SGCD: variants seen among roughly 807,000 people sequenced by gnomAD.
SGCD encodes the protein delta-sarcoglycan.
SGCD carries 18 observed loss-of-function variants against 36.6 expected under a neutral mutation model. The observed-to-expected ratio is 0.49, with a 90% CI of 0.34 to 0.73. SGCD has a LOEUF of 0.73. SGCD is among the 30% of genes least tolerant of loss of function. The pLI is 0.01. For missense variants in SGCD, 387 were observed against 346.7 expected (o/e 1.12, Z -0.92); for synonymous variants, 133 against 130.6 (o/e 1.02, Z -0.12).
At chr5:156,702,940 A>G (rs1754583288) in intron 7 of SGCD, among the ~76,000 whole-genome samples, 1 of 152,234 alleles carries the variant, frequency 6.6e-6, no homozygotes, top group Non-Finnish European at 1.5e-5. Context: ...AGCAAAAGCC[A>G]GTAAAGTTAC....
intron 7 of SGCD, among the ~76,000 whole-genome samples, chr5:156,656,490 G>A (rs1400557963): frequency 6.6e-6 from 1 of 152,086 alleles, no homozygotes; most frequent in Non-Finnish European, 1.5e-5. Context: ...TAATTCAAAA[G>A]GAATGGTTCT....
At chr5:156,096,991 A>AT (rs201675198) in intron 1 of SGCD, among the ~76,000 whole-genome samples, 3,091 of 149,772 alleles carry the variant, frequency 0.021, 44 homozygotes, top group Non-Finnish European at 0.035. Context: ...TAGTTGATAG[A>AT]TTTTTTTTTT....
At chr5:156,569,418 C>A (rs1284526249) in intron 4 of SGCD, among the ~76,000 whole-genome samples, 1 of 151,962 alleles carries the variant, frequency 6.6e-6, no homozygotes. Flanking sequence ...ATGGTGAAAC[C>A]CTGTCTCTAC....
intron 2 of SGCD, among the ~76,000 whole-genome samples, chr5:156,334,359 A>C (rs1230632139): frequency 2.6e-5 from 4 of 152,260 alleles, no homozygotes; most frequent in African/African-American, 4.8e-5. Context: ...TGACACCATT[A>C]AATCTGCGAT....
chr5:156,705,067 A>C (rs1754685492), intron 7 of SGCD, among the ~76,000 whole-genome samples: 1 of 152,180 alleles, frequency 6.6e-6, no homozygotes, highest in Admixed American at 6.6e-5. Flanking sequence ...TCTGTAATTT[A>C]CAACAATTCA....
chr5:156,486,732 C>A (rs1755683385), intron 3 of SGCD, among the ~76,000 whole-genome samples: 1 of 152,164 alleles, frequency 6.6e-6, no homozygotes. Context: ...AGAATAGACC[C>A]CTTTTGCCTG....
the SGCD span, among the ~76,000 whole-genome samples, chr5:155,762,972 C>T: frequency 6.6e-6 from 1 of 152,258 alleles, no homozygotes; most frequent in East Asian, 1.9e-4. Flanking sequence ...CTTCTTTCCC[C>T]ACTCCTGAAT....
At chr5:156,432,282 G>A (rs1245976680) in intron 3 of SGCD, among the ~76,000 whole-genome samples, 14 of 152,200 alleles carry the variant, frequency 9.2e-5, no homozygotes, top group Non-Finnish European at 1.8e-4. Context: ...GACAGACTCA[G>A]GACCTCTGGT....
chr5:156,463,881 A>G (rs2871958), intron 3 of SGCD, among the ~76,000 whole-genome samples: 1 of 151,908 alleles, frequency 6.6e-6, no homozygotes, highest in Non-Finnish European at 1.5e-5. Flanking sequence ...GCTTTAGCCC[A>G]GGAGGTTGAG....
intron 4 of SGCD, among the ~76,000 whole-genome samples, chr5:156,515,941 C>G (rs1757138574): frequency 1.3e-5 from 2 of 152,254 alleles, no homozygotes; most frequent in Admixed American, 1.3e-4. Context: ...GACTGGGCTC[C>G]ATCCCTCCTC....
chr5:156,354,615 C>A (rs771307207), intron 3 of SGCD, among the ~76,000 whole-genome samples: 7 of 152,158 alleles, frequency 4.6e-5, no homozygotes, highest in Non-Finnish European at 1.0e-4. Flanking sequence ...AGAAAATCTT[C>A]CTGGAAATAT....
intron 3 of SGCD, among the ~76,000 whole-genome samples, chr5:156,278,181 G>T (rs1330253365): frequency 1.3e-5 from 2 of 152,102 alleles, no homozygotes; most frequent in African/African-American, 2.4e-5. Context: ...AAGGTCAGTG[G>T]GACTGGTATA....
chr5:156,725,183 A>T (rs1224104780), intron 7 of SGCD, among the ~76,000 whole-genome samples: 1 of 152,166 alleles, frequency 6.6e-6, no homozygotes, highest in Non-Finnish European at 1.5e-5. Context: ...GATCAACAAT[A>T]TGAGTCTGGA....
chr5:156,293,328 T>G lies in SGCD; in HGVS notation c.-43-36206T>G, dbSNP rs376375869. Among the ~76,000 whole-genome samples, 379 of 152,268 alleles carry G rather than the reference T, an allele frequency of 2.5e-3. 1 individual carries two copies. Among genetic ancestry groups the G allele is most frequent in the African/African-American group, 8.9e-3 (368 of 41,564 alleles). ...TAAAGTTACATTTGTCTGCTTTTTT[T>G]CTTTTCTTGCCTTTTTAAAATTTTC... On this transcript the variant is annotated intron_variant, in intron 3 of 9. Transcript: ENST00000517913.
the SGCD span, among the ~76,000 whole-genome samples, chr5:155,728,151 G>A: frequency 6.6e-6 from 1 of 152,152 alleles, no homozygotes; most frequent in Non-Finnish European, 1.5e-5. Context: ...CCTCTAACGC[G>A]CGACTGTGCA....
At chr5:156,688,965 G>A (rs760463572) in intron 7 of SGCD, among the ~76,000 whole-genome samples, 1 of 152,128 alleles carries the variant, frequency 6.6e-6, no homozygotes, top group Non-Finnish European at 1.5e-5. Context: ...CTTTCCTTTT[G>A]TATGCCACAG....
intron 7 of SGCD, among the ~76,000 whole-genome samples, chr5:156,746,659 A>G (rs1756949826): frequency 6.6e-6 from 1 of 152,228 alleles, no homozygotes; most frequent in South Asian, 2.1e-4. Context: ...ATGGAGCTGG[A>G]ACAACTGGAT....
At chr5:156,205,583 C>G (rs1030166674) in intron 3 of SGCD, among the ~76,000 whole-genome samples, 1 of 151,944 alleles carries the variant, frequency 6.6e-6, no homozygotes, top group South Asian at 2.1e-4. Context: ...TTTTTAGTGT[C>G]TGTGAGTTTT....
chr5:156,079,266 A>T (rs926745689), intron 1 of SGCD, among the ~76,000 whole-genome samples: 7 of 152,108 alleles, frequency 4.6e-5, no homozygotes, highest in African/African-American at 9.7e-5. Flanking sequence ...CATGACCCAA[A>T]TCCCTCCCAC....
Sources: allele counts gnomAD v4.1 joint callset (sites outside exome capture counted in the v4.1 genomes callset), GRCh38; gene constraint gnomAD v4.1.1; transcripts MANE v1.5; gene names NCBI Gene and HGNC (gene_info 2026-07-23, HGNC 2026-07-21).